Variants in LINC00632 observed in about 807,000 individuals in gnomAD.
LINC00632 encodes long independently transcribed non-coding RNA 632, also known as ALDOA related specific transcript.
At chrX:140,737,511 T>C (rs1001127393) in intron 3 of LINC00632, among the ~76,000 whole-genome samples, 1 of 111,259 alleles carries the variant, frequency 9.0e-6, no homozygotes, top group Non-Finnish European at 1.9e-5. Flanking sequence ...ACACAATGCA[T>C]TGTTGTTACC....
chrX:140,754,416 C>A (rs932133675), intron 3 of LINC00632, among the ~76,000 whole-genome samples: 4 of 111,612 alleles, frequency 3.6e-5, no homozygotes, highest in Non-Finnish European at 7.5e-5. Flanking sequence ...GGGCATGAAT[C>A]ACTGAAGCAG....
chrX:140,767,548 G>A (rs184449645), intron 3 of LINC00632, among the ~76,000 whole-genome samples: 36 of 111,717 alleles, frequency 3.2e-4, no homozygotes, highest in African/African-American at 1.1e-3. Context: ...TTAAACATTG[G>A]CTATGCAAGA....
intron 3 of LINC00632, among the ~76,000 whole-genome samples, chrX:140,741,183 C>T (rs1931220363): frequency 8.9e-6 from 1 of 112,096 alleles, no homozygotes; most frequent in African/African-American, 3.2e-5. Context: ...TGACCTGCAA[C>T]AGTTGAAACA....
At chrX:140,766,715 A>G (rs1931697262) in intron 3 of LINC00632, among the ~76,000 whole-genome samples, 1 of 112,313 alleles carries the variant, frequency 8.9e-6, no homozygotes, top group Admixed American at 9.5e-5. Context: ...ACAATGTAAA[A>G]GATGTATAAT....
chrX:140,765,331 G>A (rs1340194135), intron 3 of LINC00632, among the ~76,000 whole-genome samples: 1 of 111,452 alleles, frequency 9.0e-6, no homozygotes, highest in Non-Finnish European at 1.9e-5. Context: ...GGATTTTGGA[G>A]TAGCCCAAAG....
chrX:140,723,955 T>C (rs1930832770), intron 2 of LINC00632, among the ~76,000 whole-genome samples: 1 of 47,934 alleles, frequency 2.1e-5, no homozygotes, highest in Non-Finnish European at 4.4e-5. Context: ...TCCATACACA[T>C]GCACAGTTAC....
At chrX:140,721,114 T>C (rs1930722068) in intron 2 of LINC00632, among the ~76,000 whole-genome samples, 1 of 111,669 alleles carries the variant, frequency 9.0e-6, no homozygotes, top group Non-Finnish European at 1.9e-5. Context: ...ACACAATACA[T>C]ACAAAGACCC....
chrX:140,730,479 G>A (rs763114289), intron 2 of LINC00632, among the ~76,000 whole-genome samples: 1 of 110,494 alleles, frequency 9.1e-6, no homozygotes, highest in Non-Finnish European at 1.9e-5. Context: ...ACAACATCTA[G>A]CCTTGCACCA....
Position 140,791,098 on chromosome X carries a change from C to T in LINC00632, n.19117C>T, listed in dbSNP as rs187909889. Among the ~76,000 whole-genome samples the T allele has an allele frequency of 4.5e-5, 5 of 110,754 alleles. No homozygotes were observed. In the East Asian group the frequency reaches 1.4e-3, roughly 31 times the overall value. On this transcript the variant is annotated non_coding_transcript_exon_variant, in exon 5 of 5. Coordinates refer to ENST00000648200, the Ensembl canonical transcript of LINC00632. ...TCTGTTTTTGGCTCTAATAGAAATGCCTCATTGTTTAACTATTATAATTGC... is the reference window on the plus strand; with the variant it reads ...TCTGTTTTTGGCTCTAATAGAAATGTCTCATTGTTTAACTATTATAATTGC...
At position 140,735,723 on chromosome X, in the gene LINC00632, C is replaced by T. The variant is rs1324126790; in HGVS notation, n.191+1759C>T. On this transcript the variant is annotated intron_variant and non_coding_transcript_variant, in intron 3 of 4. Transcript: ENST00000648200. ...CTGGGATTGCATGCATGTGCCACCA[C>T]GCCCAACTAATTTTTGTATATTTAG... Among the ~76,000 whole-genome samples the T allele has an allele frequency of 2.7e-5, 3 of 110,781 alleles. No homozygotes were observed. In the South Asian group the frequency reaches 1.2e-3, roughly 43 times the overall value.
intron 2 of LINC00632, among the ~76,000 whole-genome samples, chrX:140,722,748 A>T (rs1390211279): frequency 5.4e-5 from 6 of 111,288 alleles, no homozygotes. Context: ...CCTTCCCCCA[A>T]CACAGAAACT....
At chrX:140,763,719 C>T (rs538447433) in intron 3 of LINC00632, among the ~76,000 whole-genome samples, 2 of 111,597 alleles carry the variant, frequency 1.8e-5, no homozygotes, top group South Asian at 7.6e-4. Flanking sequence ...TTTCCGTGCA[C>T]TTTAACGCAT....
chrX:140,779,743 T>C (rs1036398086), exon 5 of LINC00632, among the ~76,000 whole-genome samples: 1 of 112,327 alleles, frequency 8.9e-6, no homozygotes, highest in Non-Finnish European at 1.9e-5. Flanking sequence ...CTTTCTTGCA[T>C]TGCTACGTAA....
At chrX:140,772,934 G>C (rs769172488) in exon 4 of LINC00632, among the ~76,000 whole-genome samples, 1 of 112,006 alleles carries the variant, frequency 8.9e-6, no homozygotes, top group South Asian at 3.8e-4. Flanking sequence ...AGAAATGCCA[G>C]GTGGGTGGAT....
At chrX:140,749,385 C>A (rs533088050) in intron 3 of LINC00632, among the ~76,000 whole-genome samples, 4 of 111,649 alleles carry the variant, frequency 3.6e-5, no homozygotes, top group African/African-American at 1.3e-4. Context: ...TTTTGTGATA[C>A]GTTTTATTTT....
chrX:140,718,210 G>T (rs780094294), intron 2 of LINC00632, among the ~76,000 whole-genome samples: 1 of 110,880 alleles, frequency 9.0e-6, no homozygotes, highest in Non-Finnish European at 1.9e-5. Context: ...AAGAGTCAGC[G>T]TTATTGGTGT....
chrX:140,730,181 TATGTCTCTTTTA>T (rs1481000189), intron 2 of LINC00632, among the ~76,000 whole-genome samples: 8 of 110,987 alleles, frequency 7.2e-5, no homozygotes, highest in African/African-American at 2.6e-4. Context: ...GGCCTTTATA[TATGTCTCTTTTA>T]ATGTAGAGAA....
intron 3 of LINC00632, among the ~76,000 whole-genome samples, chrX:140,767,706 G>A (rs1280642707): frequency 4.5e-5 from 5 of 111,840 alleles, no homozygotes; most frequent in Non-Finnish European, 9.4e-5. Context: ...CAATGGGATA[G>A]CTAGCTAGAT....
chrX:140,760,730 A>AAT (rs1044992656), intron 3 of LINC00632, among the ~76,000 whole-genome samples: 16 of 110,646 alleles, frequency 1.4e-4, no homozygotes, highest in Non-Finnish European at 2.5e-4. Context: ...ACCTATATAT[A>AAT]ATATATATAT....
Sources: allele counts gnomAD v4.1 joint callset (sites outside exome capture counted in the v4.1 genomes callset), GRCh38; gene constraint gnomAD v4.1.1; transcripts MANE v1.5; gene names NCBI Gene and HGNC (gene_info 2026-07-23, HGNC 2026-07-21).